CAMK1D: variants seen among roughly 807,000 people sequenced by gnomAD.
The protein encoded by CAMK1D is calcium/calmodulin-dependent protein kinase type 1D.
In CAMK1D, 9 loss-of-function variants were observed where a neutral mutation model predicts 47.7. The observed-to-expected ratio is 0.19, with a 90% CI of 0.11 to 0.33. CAMK1D has a LOEUF of 0.33. Ranked by LOEUF, CAMK1D falls within the 10% of genes least tolerant of loss-of-function variation. CAMK1D has a pLI of 1.00. For missense variants in CAMK1D, 291 were observed against 488.7 expected, an observed-to-expected ratio of 0.60 and a Z score of 3.81; for synonymous variants, 184 against 184.9, an observed-to-expected ratio of 0.99 and a Z score of 0.04.
intron 2 of CAMK1D, among the ~76,000 whole-genome samples, chr10:12,648,502 G>A (rs1016836843): frequency 2.2e-4 from 33 of 152,036 alleles, no homozygotes; most frequent in African/African-American, 7.0e-4. Flanking sequence ...ATGGAGTTTC[G>A]CTCTTTCATC....
At chr10:12,778,690 A>G (rs1422191338) in intron 5 of CAMK1D, among the ~76,000 whole-genome samples, 2 of 152,192 alleles carry the variant, frequency 1.3e-5, no homozygotes, top group African/African-American at 4.8e-5. Flanking sequence ...CAGCCTGGGC[A>G]ACATAGTAAG....
intron 1 of CAMK1D, among the ~76,000 whole-genome samples, chr10:12,453,737 T>G (rs375516776): frequency 2.0e-5 from 3 of 152,370 alleles, no homozygotes; most frequent in African/African-American, 7.2e-5. Flanking sequence ...TTACCTGAAC[T>G]GCTGGTTATC....
chr10:12,512,751 C>T (rs1276264451), intron 1 of CAMK1D, among the ~76,000 whole-genome samples: 1 of 152,054 alleles, frequency 6.6e-6, no homozygotes. Flanking sequence ...AGATTGTGCT[C>T]ATAAAAGCTC....
intron 1 of CAMK1D, among the ~76,000 whole-genome samples, chr10:12,368,770 A>T (rs1837924078): frequency 6.6e-6 from 1 of 151,878 alleles, no homozygotes. Flanking sequence ...AAAGAGTATA[A>T]CACATGCTGC....
rs185357196 is a variant in CAMK1D at position 12,393,274 on chromosome 10, G to A, written c.92+43364G>A. 9.2e-3 allele frequency among the ~76,000 whole-genome samples: 1,396 copies of A among 152,130 alleles called. 11 individuals carry two copies. Among genetic ancestry groups the A allele is most frequent in the Non-Finnish European group, 0.011 (736 of 67,996 alleles). ...TCTCGATCTCCTGACCTTGTGATCCGCACGCCTCGGCCTCCCAAAGTGCTG... is the reference window on the plus strand; with the variant it reads ...TCTCGATCTCCTGACCTTGTGATCCACACGCCTCGGCCTCCCAAAGTGCTG... On this transcript the variant is annotated intron_variant, in intron 1 of 10. Transcript: ENST00000619168.
chr10:12,514,052 C>A (rs1469898455), intron 1 of CAMK1D, among the ~76,000 whole-genome samples: 2 of 152,130 alleles, frequency 1.3e-5, no homozygotes, highest in African/African-American at 4.8e-5. Context: ...TTGTCACTGC[C>A]CCCCTAGAGA....
chr10:12,703,570 C>G (rs1833611509), intron 3 of CAMK1D, among the ~76,000 whole-genome samples: 1 of 152,152 alleles, frequency 6.6e-6, no homozygotes, highest in African/African-American at 2.4e-5. Context: ...CAGATACTTT[C>G]AAGACAAATT....
intron 1 of CAMK1D, among the ~76,000 whole-genome samples, chr10:12,506,315 G>A (rs1306483686): frequency 7.9e-5 from 12 of 152,110 alleles, no homozygotes; most frequent in Admixed American, 2.0e-4. Flanking sequence ...AGCTACTCAG[G>A]AGGCTGAGGC....
intron 5 of CAMK1D, among the ~76,000 whole-genome samples, chr10:12,782,835 C>T (rs1183917089): frequency 1.3e-5 from 2 of 152,144 alleles, no homozygotes; most frequent in Non-Finnish European, 2.9e-5. Flanking sequence ...GGCATGTGCC[C>T]ATCAAGACAG....
chr10:12,576,472 T>C (rs112704429), intron 2 of CAMK1D, among the ~76,000 whole-genome samples: 5 of 152,234 alleles, frequency 3.3e-5, no homozygotes, highest in African/African-American at 1.2e-4. Context: ...TTTATTATTA[T>C]TACATTATAA....
At chr10:12,531,056 TAA>T (rs11373354) in intron 1 of CAMK1D, among the ~76,000 whole-genome samples, 4 of 141,044 alleles carry the variant, frequency 2.8e-5, no homozygotes, top group Non-Finnish European at 3.1e-5. Flanking sequence ...AGACTCTGCT[TAA>T]AAAAAAAAAA....
At chr10:12,759,555 A>G (rs952624572) in intron 3 of CAMK1D, among the ~76,000 whole-genome samples, 1 of 152,194 alleles carries the variant, frequency 6.6e-6, no homozygotes, top group East Asian at 1.9e-4. Context: ...CTAAGCATGG[A>G]TCATTGAGAC....
chr10:12,439,121 C>T (rs1832713040), intron 1 of CAMK1D, among the ~76,000 whole-genome samples: 1 of 152,168 alleles, frequency 6.6e-6, no homozygotes, highest in Non-Finnish European at 1.5e-5. Flanking sequence ...CTACCAGGGC[C>T]TATTATCCCA....
chr10:12,559,868 G>C (rs908093195), intron 2 of CAMK1D, among the ~76,000 whole-genome samples: 1 of 152,186 alleles, frequency 6.6e-6, no homozygotes, highest in Non-Finnish European at 1.5e-5. Flanking sequence ...GCTAAAGGCA[G>C]CAGGTGCCAA....
chr10:12,682,824 T>TG (rs761714090), intron 3 of CAMK1D, among the ~76,000 whole-genome samples: 45,233 of 152,084 alleles, frequency 0.3, 7,415 homozygotes, highest in South Asian at 0.51. Context: ...TTTTCTGATA[T>TG]TTACTTAGTC....
intron 2 of CAMK1D, among the ~76,000 whole-genome samples, chr10:12,591,138 G>T (rs1407621047): frequency 3.3e-5 from 5 of 152,134 alleles, no homozygotes; most frequent in Non-Finnish European, 5.9e-5. Context: ...TTCTCCCCGT[G>T]TTAGACACAG....
At chr10:12,530,950 A>G (rs1835786201) in intron 1 of CAMK1D, among the ~76,000 whole-genome samples, 1 of 151,956 alleles carries the variant, frequency 6.6e-6, no homozygotes, top group African/African-American at 2.4e-5. Context: ...CCAGCTACTC[A>G]GGAGGCTGAG....
intron 1 of CAMK1D, among the ~76,000 whole-genome samples, chr10:12,515,669 G>T (rs1835186937): frequency 6.7e-6 from 1 of 148,824 alleles, no homozygotes; most frequent in African/African-American, 2.5e-5. Flanking sequence ...GAGTGCAGTG[G>T]CGCGATCTTG....
At chr10:12,576,582 G>A (rs1275296664) in intron 2 of CAMK1D, among the ~76,000 whole-genome samples, 1 of 152,138 alleles carries the variant, frequency 6.6e-6, no homozygotes, top group Non-Finnish European at 1.5e-5. Flanking sequence ...GGGGTGATGG[G>A]AGATGGTGAC....
Sources: allele counts gnomAD v4.1 joint callset (sites outside exome capture counted in the v4.1 genomes callset), GRCh38; gene constraint gnomAD v4.1.1; transcripts MANE v1.5; gene names NCBI Gene and HGNC (gene_info 2026-07-23, HGNC 2026-07-21).